Variants in NCOA7 observed in about 807,000 individuals in gnomAD.
NCOA7 encodes the protein nuclear receptor coactivator 7.
A neutral mutation model predicts 104.3 loss-of-function variants in NCOA7; 45 were observed. The observed-to-expected ratio is 0.43, with a 90% CI of 0.34 to 0.55. The LOEUF is 0.55. Among genes scored for constraint, NCOA7 ranks in the 20% least tolerant of loss-of-function variants. The pLI is 0.02. For synonymous variants in NCOA7, 398 were observed against 402.3 expected, an observed-to-expected ratio of 0.99 and a Z score of 0.13; for missense variants, 1,041 against 1,119.7, an observed-to-expected ratio of 0.93 and a Z score of 1.00.
chr6:125,798,492 T>A (rs1775554387), intron 1 of NCOA7, among the ~76,000 whole-genome samples: 1 of 152,216 alleles, frequency 6.6e-6, no homozygotes. Flanking sequence ...ATCAAGGGTG[T>A]TACTGTAAAA....
intron 2 of NCOA7, among the ~76,000 whole-genome samples, chr6:125,821,208 T>C (rs1307435024): frequency 1.3e-5 from 2 of 152,128 alleles, no homozygotes; most frequent in Non-Finnish European, 2.9e-5. Flanking sequence ...TGCCTTGATA[T>C]GAAAAAGGCT....
intron 2 of NCOA7, among the ~76,000 whole-genome samples, chr6:125,844,128 ATTG>A (rs1278144557): frequency 6.6e-6 from 1 of 152,194 alleles, no homozygotes; most frequent in Non-Finnish European, 1.5e-5. Context: ...GGAAAATTGA[ATTG>A]TTGTGGTTTC....
chr6:125,866,100 C>T (rs546265595), intron 3 of NCOA7, among the ~76,000 whole-genome samples: 2 of 137,098 alleles, frequency 1.5e-5, no homozygotes, highest in South Asian at 2.2e-4. Flanking sequence ...GAGGCTGAGG[C>T]GGGCGGATCA....
chr6:125,830,865 A>AG (rs1201620698), intron 2 of NCOA7, among the ~76,000 whole-genome samples: 6 of 151,588 alleles, frequency 4.0e-5, no homozygotes, highest in Non-Finnish European at 5.9e-5. Context: ...GCTCATAGTG[A>AG]GGGGGGAAAA....
intron 8 of NCOA7, among the ~76,000 whole-genome samples, chr6:125,886,047 G>A (rs1268761041): frequency 2.6e-5 from 4 of 151,698 alleles, no homozygotes; most frequent in Non-Finnish European, 4.4e-5. Context: ...TCGCTCTACT[G>A]TGTCTGTTTC....
intron 10 of NCOA7, among the ~76,000 whole-genome samples, chr6:125,895,991 CTGTGTGTGTA>C (rs1784980861): frequency 7.1e-6 from 1 of 140,316 alleles, no homozygotes; most frequent in Non-Finnish European, 1.5e-5. Context: ...GTGTGTGTGT[CTGTGTGTGTA>C]TATATATATA....
intron 2 of NCOA7, among the ~76,000 whole-genome samples, chr6:125,828,414 G>GT (rs754068965): frequency 1.1e-4 from 16 of 152,234 alleles, no homozygotes; most frequent in Non-Finnish European, 1.9e-4. Flanking sequence ...GGAGAAGCCA[G>GT]TTTGATGTGA....
At chr6:125,859,676 C>T (rs1781879756) in intron 3 of NCOA7, among the ~76,000 whole-genome samples, 2 of 152,070 alleles carry the variant, frequency 1.3e-5, no homozygotes, top group East Asian at 1.9e-4. Flanking sequence ...TAGACAAATA[C>T]GAAGTTCTAT....
intron 3 of NCOA7, among the ~76,000 whole-genome samples, chr6:125,860,750 T>C (rs1187844336): frequency 6.6e-6 from 1 of 152,208 alleles, no homozygotes; most frequent in Non-Finnish European, 1.5e-5. Context: ...TTTACAAATA[T>C]GGGTAACATT....
chr6:125,814,298 G>A (rs1215031804), intron 1 of NCOA7, among the ~76,000 whole-genome samples: 3 of 152,130 alleles, frequency 2.0e-5, no homozygotes, highest in Non-Finnish European at 1.5e-5. Context: ...GGGACTGCAG[G>A]CGTGCACCAC....
chr6:125,876,285 T>A (rs1783371879), intron 4 of NCOA7, among the ~76,000 whole-genome samples: 1 of 152,192 alleles, frequency 6.6e-6, no homozygotes, highest in Non-Finnish European at 1.5e-5. Flanking sequence ...CCTGTGAACG[T>A]CTCTAGACAT....
rs762469052 is a variant in NCOA7, at chr6:125,815,358, G to A, written c.4G>A (p.Asp2Asn). ...TTTGCACTTTTGATTGTGTATTATG[G>A]ATACCAAGGAAGAGAAGAAGGAACG... MDTKEEKKERKQ... is the reference protein window; with the variant it reads MNTKEEKKERKQ... Residue 2 changes from aspartate to asparagine, a missense_variant, in exon 2 of 16, where the codon GAT becomes AAT. By Grantham distance (23) the Asp-to-Asn change is conservative. Transcript: ENST00000392477. 3.7e-6 allele frequency: 6 copies of A among 1,607,160 alleles called. No individual in the cohort carries two copies. The Middle Eastern group carries it at 8.3e-4, about 221-fold the overall frequency.
chr6:125,813,720 G>T (rs935305991), intron 1 of NCOA7, among the ~76,000 whole-genome samples: 3 of 152,114 alleles, frequency 2.0e-5, no homozygotes, highest in African/African-American at 7.2e-5. Flanking sequence ...AAAGTGCTGG[G>T]ATTACAGGTG....
intron 2 of NCOA7, among the ~76,000 whole-genome samples, chr6:125,819,452 C>A (rs1054842767): frequency 4.0e-5 from 6 of 151,450 alleles, no homozygotes; most frequent in Non-Finnish European, 7.4e-5. Flanking sequence ...TTTTCTGACC[C>A]TGGTCCAACT....
intron 6 of NCOA7, 92 bp downstream of exon 6, chr6:125,881,295 T>C (rs762332947): frequency 1.1e-5 from 10 of 917,806 alleles, no homozygotes; most frequent in Non-Finnish European, 1.7e-5. Flanking sequence ...AGATTACATC[T>C]GAAATTCTCC....
chr6:125,883,324 G>A lies in NCOA7; in HGVS notation c.699+773G>A, dbSNP rs151165097. Among the ~76,000 whole-genome samples, 17 of 152,218 alleles carry A rather than the reference G, an allele frequency of 1.1e-4. No homozygotes were observed. The East Asian group carries it at 3.1e-3, about 28-fold the overall frequency. ...AAATTTGCAAACAAGAATAAATAAT[G>A]CTTGACATAAAGAAATTTTTTAAAA... On this transcript the variant is annotated intron_variant, in intron 7 of 15. Coordinates refer to ENST00000392477, the MANE Select transcript of NCOA7 (RefSeq NM_181782.5).
chr6:125,815,222 C>T, intron 1 of NCOA7, 69 bp from the exon 2 acceptor site: 1 of 568,458 alleles, frequency 1.8e-6, no homozygotes, highest in Non-Finnish European at 3.1e-6. Flanking sequence ...AGTTCTACTC[C>T]ATTTTATTTT....
chr6:125,904,962 A>G (rs1583508809), intron 10 of NCOA7, among the ~76,000 whole-genome samples: 1 of 152,308 alleles, frequency 6.6e-6, no homozygotes, highest in Middle Eastern at 3.4e-3. Flanking sequence ...TTCTCTGTTC[A>G]TGGGTGTTAC....
intron 2 of NCOA7, among the ~76,000 whole-genome samples, chr6:125,837,386 A>G (rs1779702420): frequency 1.3e-5 from 2 of 152,180 alleles, no homozygotes; most frequent in Admixed American, 1.3e-4. Flanking sequence ...TATATCAGAG[A>G]AAATAATTGA....
Sources: allele counts gnomAD v4.1 joint callset (sites outside exome capture counted in the v4.1 genomes callset), GRCh38; gene constraint gnomAD v4.1.1; transcripts MANE v1.5; gene names NCBI Gene and HGNC (gene_info 2026-07-23, HGNC 2026-07-21).